KCNAB1: variants seen among roughly 807,000 people sequenced by gnomAD.
KCNAB1 encodes potassium voltage-gated channel subfamily A regulatory beta subunit 1.
KCNAB1 carries 35 observed loss-of-function variants against 64.6 expected under a neutral mutation model. The ratio of observed to expected loss-of-function variants is 0.54; its 90% confidence interval spans 0.41 to 0.72. KCNAB1 has a LOEUF of 0.72. Among genes scored for constraint, KCNAB1 ranks in the 30% least tolerant of loss-of-function variants. The pLI is 0.00. For synonymous variants in KCNAB1, 177 were observed against 183.8 expected (o/e 0.96, Z 0.30); for missense variants, 401 against 512.9 (o/e 0.78, Z 2.11).
chr3:156,223,482 A>C (rs1715921764), intron 1 of KCNAB1, among the ~76,000 whole-genome samples: 1 of 152,226 alleles, frequency 6.6e-6, no homozygotes, highest in Admixed American at 6.5e-5. Flanking sequence ...AGCTAGACAC[A>C]AAAGTGCTCC....
intron 13 of KCNAB1, 124 bp from the exon 14 acceptor site, chr3:156,536,534 T>G: frequency 1.4e-6 from 1 of 717,974 alleles, no homozygotes; most frequent in Non-Finnish European, 2.5e-6. Context: ...GGCGGGGGGC[T>G]TAGATTTCAG....
chr3:156,373,444 G>T (rs1050975498), intron 1 of KCNAB1, among the ~76,000 whole-genome samples: 1 of 152,164 alleles, frequency 6.6e-6, no homozygotes, highest in Non-Finnish European at 1.5e-5. Flanking sequence ...AAGAGTCAAG[G>T]CCTCTCAGGT....
chr3:156,459,964 C>A, intron 5 of KCNAB1, 93 bp downstream of exon 5: 1 of 839,696 alleles, frequency 1.2e-6, no homozygotes, highest in East Asian at 2.6e-5. Flanking sequence ...GACCAAAAGG[C>A]TGTCAAAAAA....
intron 2 of KCNAB1, among the ~76,000 whole-genome samples, chr3:156,442,625 C>A (rs1019958892): frequency 7.9e-5 from 12 of 152,184 alleles, no homozygotes; most frequent in African/African-American, 2.9e-4. Flanking sequence ...AAGCTATGCA[C>A]AGGCATTAGA....
At chr3:156,334,154 C>T (rs926010057) in intron 1 of KCNAB1, among the ~76,000 whole-genome samples, 4 of 151,960 alleles carry the variant, frequency 2.6e-5, no homozygotes, top group South Asian at 4.2e-4. Flanking sequence ...ATTCCTGATC[C>T]GTTTTGGAAT....
At chr3:156,351,885 C>T (rs1305656948) in intron 1 of KCNAB1, among the ~76,000 whole-genome samples, 2 of 152,174 alleles carry the variant, frequency 1.3e-5, no homozygotes, top group East Asian at 3.9e-4. Context: ...TTAGGGTGGG[C>T]CACCCTTGCT....
At chr3:156,312,549 T>G (rs1721979776) in intron 1 of KCNAB1, among the ~76,000 whole-genome samples, 1 of 151,790 alleles carries the variant, frequency 6.6e-6, no homozygotes, top group Non-Finnish European at 1.5e-5. Context: ...CTGTCTCTAC[T>G]GAAAATACAA....
rs1321942062 is a variant in KCNAB1, at chr3:156,421,678, A to G, written c.319+19A>G. ...GGTCTTGGTAAGTACTGAGGGTGTG[A>G]CCTGGGGGTGGGCTGGAAGGTGGGA... is the stretch of plus-strand genomic sequence containing the variant. On this transcript the variant is annotated intron_variant, in intron 2 of 13. Transcript: ENST00000490337. The G allele has an allele frequency of 6.2e-7, 1 of 1,611,900 alleles. No homozygotes were observed.
At chr3:156,250,633 G>C (rs1365632899) in intron 1 of KCNAB1, among the ~76,000 whole-genome samples, 1 of 152,112 alleles carries the variant, frequency 6.6e-6, no homozygotes, top group Non-Finnish European at 1.5e-5. Flanking sequence ...AGAGTTCCTG[G>C]GAGAGCTGAT....
At chr3:156,524,244 A>G (rs964113855) in intron 12 of KCNAB1, 4 of 211,146 alleles carry the variant, frequency 1.9e-5, no homozygotes, top group African/African-American at 9.2e-5. Flanking sequence ...AGTGACATCC[A>G]TTTCTTCTGG....
At chr3:156,517,805 CAAT>C (rs1717656501) in intron 11 of KCNAB1, among the ~76,000 whole-genome samples, 1 of 152,232 alleles carries the variant, frequency 6.6e-6, no homozygotes, top group South Asian at 2.1e-4. Flanking sequence ...TTTGTTCTCA[CAAT>C]AACCTGCTGA....
At chr3:156,502,308 A>G (rs1716499004) in intron 8 of KCNAB1, among the ~76,000 whole-genome samples, 1 of 152,214 alleles carries the variant, frequency 6.6e-6, no homozygotes, top group Non-Finnish European at 1.5e-5. Context: ...TCAGTAATTA[A>G]GGAAGGTACT....
intron 1 of KCNAB1, among the ~76,000 whole-genome samples, chr3:156,297,683 G>A (rs1720890073): frequency 6.6e-6 from 1 of 152,084 alleles, no homozygotes; most frequent in Non-Finnish European, 1.5e-5. Context: ...CCCACGAATG[G>A]TGGGTAGTTT....
chr3:156,448,619 C>T (rs1711761213), intron 2 of KCNAB1, among the ~76,000 whole-genome samples: 1 of 152,064 alleles, frequency 6.6e-6, no homozygotes, highest in East Asian at 1.9e-4. Flanking sequence ...TGGCCTTTTT[C>T]CACAAAGGGG....
rs386398329 is a variant in KCNAB1, at chr3:156,139,584, G to GTTTTTTTTT, written c.275+18716_275+18724dup. The stretch of plus-strand genomic sequence containing the variant: ...TTTCTCCCTAACTCCATTGTACTGT[G>GTTTTTTTTT]TTTTTTTTTTTTTTTTTTTTTTTTT... On this transcript the variant is annotated intron_variant, in intron 1 of 13. Coordinates refer to ENST00000490337, the MANE Select transcript of KCNAB1 (RefSeq NM_172160.3). Among the ~76,000 whole-genome samples the GTTTTTTTTT allele has an allele frequency of 3.2e-3, 177 of 55,246 alleles. 18 individuals are homozygous for GTTTTTTTTT. The highest frequency in any genetic ancestry group is 4.5e-3 in the Non-Finnish European group (141 of 31,096). 36.2% of individuals were successfully genotyped at this position (55,246 alleles called of 152,430 possible).
At chr3:156,394,707 G>A (rs1034208080) in intron 1 of KCNAB1, among the ~76,000 whole-genome samples, 6 of 152,172 alleles carry the variant, frequency 3.9e-5, no homozygotes, top group Non-Finnish European at 7.3e-5. Context: ...ATGTCCCCAG[G>A]CACAGTTGCT....
chr3:156,523,716 G>C lies in KCNAB1; in HGVS notation c.961-111G>C. 6.8e-6 allele frequency: 7 copies of C among 1,022,930 alleles called. No individual in the cohort carries two copies. In the South Asian group the frequency reaches 1.1e-4, roughly 16 times the overall value. 63.4% of individuals were successfully genotyped at this position (1,022,930 alleles called of 1,614,324 possible). ...ATCCCTGTCAGTGTGAAACATAAGG[G>C]TCAAAAAATTCAGAAAATCATTATG... On this transcript the variant is annotated intron_variant, in intron 11 of 13. Transcript: ENST00000490337.
intron 1 of KCNAB1, among the ~76,000 whole-genome samples, chr3:156,387,833 T>A (rs1712728237): frequency 6.6e-6 from 1 of 152,234 alleles, no homozygotes; most frequent in South Asian, 2.1e-4. Flanking sequence ...TGGACTTATT[T>A]TTTTAAAATC....
intron 1 of KCNAB1, among the ~76,000 whole-genome samples, chr3:156,125,385 C>G (rs534226869): frequency 1.3e-5 from 2 of 152,136 alleles, no homozygotes; most frequent in Non-Finnish European, 2.9e-5. Flanking sequence ...TTATAAGAGA[C>G]CTTTGTGTGT....
Sources: allele counts gnomAD v4.1 joint callset (sites outside exome capture counted in the v4.1 genomes callset), GRCh38; gene constraint gnomAD v4.1.1; transcripts MANE v1.5; gene names NCBI Gene and HGNC (gene_info 2026-07-23, HGNC 2026-07-21).